SDK1: variants seen among roughly 807,000 people sequenced by gnomAD.
The protein encoded by SDK1 is protein sidekick-1.
Under a neutral mutation model 245.5 loss-of-function variants are expected in SDK1, and 157 were observed. The observed-to-expected ratio is 0.64, with a 90% CI of 0.56 to 0.73. The LOEUF is 0.73. Among genes scored for constraint, SDK1 ranks in the 30% least tolerant of loss-of-function variants. SDK1 has a pLI of 0.00. For synonymous variants in SDK1, 1,647 were observed against 1,278.5 expected, an observed-to-expected ratio of 1.29 and a Z score of -6.15; for missense variants, 3,583 against 3,002.3, an observed-to-expected ratio of 1.19 and a Z score of -4.52.
intron 30 of SDK1, among the ~76,000 whole-genome samples, chr7:4,149,845 G>A (rs1413007856): frequency 6.6e-6 from 1 of 152,186 alleles, no homozygotes; most frequent in Non-Finnish European, 1.5e-5. Flanking sequence ...GGCCTCGGGT[G>A]TCCAGGGCTG....
rs188976158 is a variant in SDK1 at position 4,266,496 on chromosome 7, C to T, written c.*1112C>T. On this transcript the variant is annotated 3_prime_UTR_variant, in exon 45 of 45. Coordinates refer to ENST00000404826, the MANE Select transcript of SDK1 (RefSeq NM_152744.4). ...CTGCTCGCAGCAGCCACCGCTTCTC[C>T]ACCACTGGCGCTGCTGCTGCCCCCT... 2,147 of 985,430 alleles carry T rather than the reference C, an allele frequency of 2.2e-3. 1 individual carries two copies. Among genetic ancestry groups the T allele is most frequent in the Middle Eastern group, 2.6e-3 (5 of 1,914 alleles). The allele number at this position is 985,430 out of a possible 1,614,324, so 61.0% of individuals were successfully genotyped here.
chr7:4,071,570 A>G (rs936987911), intron 20 of SDK1, among the ~76,000 whole-genome samples: 1 of 152,212 alleles, frequency 6.6e-6, no homozygotes, highest in Non-Finnish European at 1.5e-5. Context: ...GGGGGAACTG[A>G]GCAGGGGAGG....
intron 19 of SDK1, among the ~76,000 whole-genome samples, chr7:4,056,499 G>A (rs1463458756): frequency 6.6e-6 from 1 of 152,192 alleles, no homozygotes; most frequent in Non-Finnish European, 1.5e-5. Context: ...AAGGAGGAAA[G>A]TGAAGTGCAG....
intron 1 of SDK1, among the ~76,000 whole-genome samples, chr7:3,586,967 A>G (rs904165187): frequency 6.6e-6 from 1 of 152,124 alleles, no homozygotes; most frequent in African/African-American, 2.4e-5. Flanking sequence ...GTGAGCAGGC[A>G]TTGTGGTGAA....
At chr7:3,981,449 C>G (rs534901272) in intron 13 of SDK1, among the ~76,000 whole-genome samples, 1 of 142,000 alleles carries the variant, frequency 7.0e-6, no homozygotes, top group African/African-American at 2.5e-5. Context: ...GTACGTCTCT[C>G]ACTAGAAAGC....
At chr7:4,150,848 C>A (rs997330789) in intron 30 of SDK1, among the ~76,000 whole-genome samples, 2 of 152,230 alleles carry the variant, frequency 1.3e-5, no homozygotes, top group African/African-American at 4.8e-5. Flanking sequence ...GGACCAGGCC[C>A]ATGACAGAGG....
chr7:3,658,721 C>T (rs111341019), intron 4 of SDK1, among the ~76,000 whole-genome samples: 5,399 of 151,242 alleles, frequency 0.036, 292 homozygotes, highest in African/African-American at 0.12. Flanking sequence ...TTCAAGAAAT[C>T]CTCATGTCTC....
Position 3,908,238 on chromosome 7 carries a change from G to A in SDK1, c.848-42685G>A, listed in dbSNP as rs192016357. 5.9e-5 allele frequency among the ~76,000 whole-genome samples: 9 copies of A among 152,290 alleles called. No individual in the cohort carries two copies. In the East Asian group the frequency reaches 1.4e-3, roughly 23 times the overall value. On this transcript the variant is annotated intron_variant, in intron 5 of 44. Transcript: ENST00000404826. ...GCCTTGTGTCCCGCTCACTTTGCGC[G>A]TTGGGCTGCAAACAGTGAACACTCA...
At chr7:3,837,014 C>G (rs748098284) in intron 5 of SDK1, among the ~76,000 whole-genome samples, 1 of 152,046 alleles carries the variant, frequency 6.6e-6, no homozygotes, top group African/African-American at 2.4e-5. Context: ...GTGTCTCTTC[C>G]GCTTCTTATA....
chr7:4,184,959 A>T (rs1673593057), intron 35 of SDK1, among the ~76,000 whole-genome samples: 1 of 152,030 alleles, frequency 6.6e-6, no homozygotes. Context: ...GGGCACAGAG[A>T]GCTTCCCTTT....
At chr7:4,235,070 C>T (rs760612086) in intron 41 of SDK1, among the ~76,000 whole-genome samples, 12 of 152,122 alleles carry the variant, frequency 7.9e-5, no homozygotes, top group Non-Finnish European at 1.0e-4. Context: ...TGTGGGTGAG[C>T]GTGGGCCCTA....
At chr7:3,646,551 C>T (rs1229301530) in intron 4 of SDK1, among the ~76,000 whole-genome samples, 1 of 152,178 alleles carries the variant, frequency 6.6e-6, no homozygotes, top group Non-Finnish European at 1.5e-5. Flanking sequence ...GGGCCCCCAG[C>T]CAATACACAC....
chr7:4,165,373 A>AAACG (rs2128214164), intron 32 of SDK1, among the ~76,000 whole-genome samples: 2 of 152,230 alleles, frequency 1.3e-5, no homozygotes, highest in African/African-American at 4.8e-5. Flanking sequence ...ACAAACAAAC[A>AAACG]AACAAACACG....
chr7:3,738,950 C>A (rs1036710693), intron 4 of SDK1, among the ~76,000 whole-genome samples: 6 of 150,214 alleles, frequency 4.0e-5, no homozygotes, highest in Admixed American at 4.0e-4. Flanking sequence ...TGTATAAGAT[C>A]AATTATTTTT....
At chr7:3,888,045 A>C (rs1348793841) in intron 5 of SDK1, among the ~76,000 whole-genome samples, 1 of 152,276 alleles carries the variant, frequency 6.6e-6, no homozygotes, top group East Asian at 1.9e-4. Context: ...ATTTCTTTTA[A>C]ATATGTTTCA....
At chr7:3,781,974 A>G (rs1780759352) in intron 4 of SDK1, among the ~76,000 whole-genome samples, 2 of 152,236 alleles carry the variant, frequency 1.3e-5, no homozygotes, top group South Asian at 4.1e-4. Flanking sequence ...CAGCAGAGAG[A>G]AAAAAGCACC....
intron 1 of SDK1, among the ~76,000 whole-genome samples, chr7:3,386,430 C>G (rs960732601): frequency 3.3e-5 from 5 of 152,120 alleles, no homozygotes; most frequent in African/African-American, 9.7e-5. Context: ...AGCTTTTTGT[C>G]AGACTCTTGG....
chr7:3,430,956 A>G (rs1266322221), intron 1 of SDK1, among the ~76,000 whole-genome samples: 1 of 152,180 alleles, frequency 6.6e-6, no homozygotes, highest in Non-Finnish European at 1.5e-5. Flanking sequence ...GATGGAGTGC[A>G]GTGGCTAGAT....
At chr7:3,657,956 T>G (rs920201076) in intron 4 of SDK1, among the ~76,000 whole-genome samples, 2 of 152,126 alleles carry the variant, frequency 1.3e-5, no homozygotes, top group African/African-American at 4.8e-5. Flanking sequence ...TTCGTGAATG[T>G]TTATGACAAA....
Sources: allele counts gnomAD v4.1 joint callset (sites outside exome capture counted in the v4.1 genomes callset), GRCh38; gene constraint gnomAD v4.1.1; transcripts MANE v1.5; gene names NCBI Gene and HGNC (gene_info 2026-07-23, HGNC 2026-07-21).